LTBP1: variants seen among roughly 807,000 people sequenced by gnomAD.
LTBP1 encodes latent transforming growth factor beta binding protein 1, also known as latent-transforming growth factor beta-binding protein 1.
Under a neutral mutation model 207.6 loss-of-function variants are expected in LTBP1, and 129 were observed. That is an observed-to-expected ratio of 0.62 (90% CI 0.54 to 0.72). The LOEUF (loss-of-function observed/expected upper bound fraction) is 0.72. Ranked by LOEUF, LTBP1 falls within the 30% of genes least tolerant of loss-of-function variation. The pLI is 0.00. For missense variants in LTBP1, 2,281 were observed against 2,217.2 expected (o/e 1.03, Z -0.58); for synonymous variants, 963 against 833.7 (o/e 1.16, Z -2.67).
At chr2:33,257,670 A>G (rs2092901842) in intron 12 of LTBP1, among the ~76,000 whole-genome samples, 159 bp downstream of exon 12, 1 of 152,206 alleles carries the variant, frequency 6.6e-6, no homozygotes, top group Non-Finnish European at 1.5e-5. Context: ...TGTGTATTGT[A>G]AAATGTTTAG....
At chr2:32,991,040 C>G (rs1245797143) in intron 2 of LTBP1, among the ~76,000 whole-genome samples, 3 of 152,116 alleles carry the variant, frequency 2.0e-5, no homozygotes, top group Non-Finnish European at 4.4e-5. Context: ...AGAGCTGTAG[C>G]AAAGTTTGGA....
intron 3 of LTBP1, among the ~76,000 whole-genome samples, chr2:33,089,417 G>T (rs889831205): frequency 1.3e-5 from 2 of 152,186 alleles, no homozygotes; most frequent in East Asian, 1.9e-4. Context: ...GTGACATGTG[G>T]CAATGTCTGG....
At chr2:33,183,446 G>A (rs369866924) in intron 5 of LTBP1, among the ~76,000 whole-genome samples, 2 of 152,196 alleles carry the variant, frequency 1.3e-5, no homozygotes, top group African/African-American at 2.4e-5. Context: ...GTCATTGGTC[G>A]TGATACACAT....
chr2:33,268,002 G>A (rs148271762), intron 15 of LTBP1, among the ~76,000 whole-genome samples: 196 of 152,320 alleles, frequency 1.3e-3, no homozygotes, highest in African/African-American at 4.4e-3. Flanking sequence ...CAAGAAACAA[G>A]TGATGCAGAT....
Position 32,947,749 on chromosome 2 carries a change from A to G in LTBP1, c.425A>G (p.Lys142Arg), listed in dbSNP as rs145381023. ...TKQGRQVVRSKVPQETQSGGG... is the reference protein window; with the variant it reads ...TKQGRQVVRSRVPQETQSGGG... ...CAAGGCAGGCAAGTTGTGCGCTCCAAGGTGCCGCAGGAGACCCAGAGCGGC... is the reference window on the plus strand; with the variant it reads ...CAAGGCAGGCAAGTTGTGCGCTCCAGGGTGCCGCAGGAGACCCAGAGCGGC... The change falls in exon 1 of 34, where the codon AAG becomes AGG. Residue 142 changes from lysine (K) to arginine (R), a missense_variant. Physicochemically the swap from Lys to Arg is conservative, Grantham distance 26. Around this residue, in one of 3 missense-constraint regions of LTBP1, gnomAD observed 555 missense variants for 491.0 expected, o/e 1.13. Transcript: ENST00000404816. 80 of 1,530,390 alleles carry G rather than the reference A, an allele frequency of 5.2e-5. No individual in the cohort carries two copies. Among genetic ancestry groups the G allele is most frequent in the Non-Finnish European group, 6.1e-5 (69 of 1,139,816 alleles). 94.8% of individuals were successfully genotyped at this position (1,530,390 alleles called of 1,614,324 possible).
rs555059358 is a variant in LTBP1, at chr2:33,193,732, G to A, written c.1701+4881G>A. On this transcript the variant is annotated intron_variant, in intron 7 of 33. Transcript: ENST00000404816. ...TCTGTTATGGTGATGTGTGATAAGT[G>A]ATTTTTGTTACTATTGTAATTGTTT... Among the ~76,000 whole-genome samples the A allele has an allele frequency of 2.0e-5, 3 of 152,192 alleles. No individual in the cohort carries two copies. In the South Asian group the frequency reaches 6.2e-4, roughly 32 times the overall value.
intron 10 of LTBP1, among the ~76,000 whole-genome samples, chr2:33,251,664 CAAAAAAAAAAAA>C (rs537403994): frequency 7.6e-5 from 5 of 65,844 alleles, no homozygotes; most frequent in Non-Finnish European, 1.4e-4. Context: ...GACTCAGTCT[CAAAAAAAAAAAA>C]AAAAAAAAAA....
chr2:33,035,066 G>C (rs143487816), intron 3 of LTBP1, among the ~76,000 whole-genome samples: 1 of 152,224 alleles, frequency 6.6e-6, no homozygotes, highest in Non-Finnish European at 1.5e-5. Context: ...GCCTTTCTTT[G>C]GATGCCGTAG....
chr2:33,108,316 C>G (rs1040660930), intron 3 of LTBP1, among the ~76,000 whole-genome samples: 1 of 152,014 alleles, frequency 6.6e-6, no homozygotes, highest in African/African-American at 2.4e-5. Flanking sequence ...GTGGGGGCAG[C>G]TGTGTGTAGC....
intron 9 of LTBP1, among the ~76,000 whole-genome samples, chr2:33,222,976 C>T (rs568334349): frequency 6.6e-6 from 1 of 152,260 alleles, no homozygotes; most frequent in East Asian, 1.9e-4. Flanking sequence ...ACTGAGAAAG[C>T]AGAGAGCCTC....
intron 2 of LTBP1, among the ~76,000 whole-genome samples, chr2:33,011,203 C>G (rs1687630485): frequency 6.6e-6 from 1 of 152,072 alleles, no homozygotes; most frequent in Non-Finnish European, 1.5e-5. Flanking sequence ...AAAGTCTGTA[C>G]CAGTGTACAC....
intron 2 of LTBP1, among the ~76,000 whole-genome samples, chr2:33,018,318 C>A (rs2038535): frequency 0.041 from 6,199 of 152,034 alleles, 209 homozygotes; most frequent in Non-Finnish European, 0.069. Flanking sequence ...TTGGCCTCCC[C>A]CTAGGTGCCA....
intron 4 of LTBP1, among the ~76,000 whole-genome samples, chr2:33,127,385 T>C (rs1276582100): frequency 6.6e-6 from 1 of 152,224 alleles, no homozygotes; most frequent in Non-Finnish European, 1.5e-5. Flanking sequence ...TTTTGTGACT[T>C]CCAGCTATCA....
intron 2 of LTBP1, among the ~76,000 whole-genome samples, chr2:32,985,061 G>A (rs1238625654): frequency 6.6e-6 from 1 of 152,160 alleles, no homozygotes; most frequent in Non-Finnish European, 1.5e-5. Flanking sequence ...ACTATCATTA[G>A]ACTTATATTT....
chr2:33,134,903 C>G lies in LTBP1; in HGVS notation c.1144C>G (p.Leu382Val). ...NSCEKGNTTT[L>V]ISENGHAADT... ...CTGTGAGAAGGGGAACACCACCACTCTCATTAGTGAGAATGGTCATGCTGC... is the reference window on the plus strand; with the variant it reads ...CTGTGAGAAGGGGAACACCACCACTGTCATTAGTGAGAATGGTCATGCTGC... The change falls in exon 5 of 34, where the codon CTC becomes GTC. Residue 382 changes from leucine (L) to valine (V), a missense_variant. Physicochemically the swap from Leu to Val is conservative, Grantham distance 32 (BLOSUM62 1). Coordinates refer to ENST00000404816, the MANE Select transcript of LTBP1 (RefSeq NM_206943.4). This position sits in a 1 kb window ranked among gnomAD's most constrained non-coding sequence, Gnocchi z 4.4. The G allele has an allele frequency of 1.9e-6, 3 of 1,614,022 alleles. No individual in the cohort carries two copies. Among genetic ancestry groups the G allele is most frequent in the East Asian group, 2.2e-5 (1 of 44,864 alleles).
intron 2 of LTBP1, among the ~76,000 whole-genome samples, chr2:33,010,814 G>A (rs551101598): frequency 6.6e-6 from 1 of 151,138 alleles, no homozygotes. Context: ...CTGCCTCCTG[G>A]GTTCAAGTGA....
chr2:33,208,624 C>A (rs1443545778), intron 7 of LTBP1, among the ~76,000 whole-genome samples: 4 of 152,196 alleles, frequency 2.6e-5, no homozygotes, highest in South Asian at 2.1e-4. Context: ...ACCTGAGGAA[C>A]ACCGACCTTC....
chr2:33,081,927 C>T (rs555140303), intron 3 of LTBP1, among the ~76,000 whole-genome samples: 11 of 152,154 alleles, frequency 7.2e-5, no homozygotes, highest in Admixed American at 6.5e-4. Flanking sequence ...TCCGCCACCA[C>T]GATTGTTAAG....
intron 5 of LTBP1, among the ~76,000 whole-genome samples, chr2:33,158,836 G>A (rs2084219463): frequency 6.6e-6 from 1 of 152,144 alleles, no homozygotes; most frequent in East Asian, 1.9e-4. Flanking sequence ...TAAATAGATA[G>A]CAGTATACGT....
Sources: allele counts gnomAD v4.1 joint callset (sites outside exome capture counted in the v4.1 genomes callset), GRCh38; gene constraint gnomAD v4.1.1; regional missense constraint gnomAD v4.1.1; non-coding constraint Gnocchi (gnomAD v3.1); transcripts MANE v1.5; gene names NCBI Gene and HGNC (gene_info 2026-07-23, HGNC 2026-07-21).